FAM222B: variants seen among roughly 807,000 people sequenced by gnomAD.
FAM222B encodes protein FAM222B.
A neutral mutation model predicts 38.0 loss-of-function variants in FAM222B; 12 were observed. The ratio of observed to expected loss-of-function variants is 0.32; its 90% confidence interval spans 0.20 to 0.51. The LOEUF is 0.51. Ranked by LOEUF, FAM222B falls within the 20% of genes least tolerant of loss-of-function variation. FAM222B has a pLI of 0.97. For missense variants in FAM222B, 716 were observed against 754.2 expected (o/e 0.95, Z 0.59); for synonymous variants, 329 against 317.2 (o/e 1.04, Z -0.40).
intron 1 of FAM222B, among the ~76,000 whole-genome samples, chr17:28,854,785 C>T (rs775151639): frequency 6.6e-6 from 1 of 152,054 alleles, no homozygotes; most frequent in Non-Finnish European, 1.5e-5. Context: ...AAAACTTTGG[C>T]AGAAGAAAAA....
intron 1 of FAM222B, among the ~76,000 whole-genome samples, chr17:28,851,968 C>T (rs1407501294): frequency 6.6e-6 from 1 of 151,864 alleles, no homozygotes; most frequent in East Asian, 1.9e-4. Flanking sequence ...GGGGGAATCA[C>T]CTGAGCCCAG....
intron 1 of FAM222B, among the ~76,000 whole-genome samples, chr17:28,798,466 A>G (rs542781636): frequency 2.9e-4 from 44 of 152,306 alleles, no homozygotes; most frequent in Non-Finnish European, 5.1e-4. Flanking sequence ...TAAACAGCAT[A>G]GTCAGAGCAA....
intron 1 of FAM222B, among the ~76,000 whole-genome samples, chr17:28,790,899 T>C (rs1272487366): frequency 1.7e-5 from 2 of 118,988 alleles, no homozygotes; most frequent in African/African-American, 6.3e-5. Context: ...TTTTTTTTTT[T>C]TTTTTTTTTT....
chr17:28,775,295 A>C (rs1215696739), intron 1 of FAM222B, among the ~76,000 whole-genome samples: 3 of 151,836 alleles, frequency 2.0e-5, no homozygotes, highest in African/African-American at 7.3e-5. Context: ...ATGTTTTTTG[A>C]TGGGAAAAGG....
At chr17:28,786,689 T>C (rs145302354) in intron 1 of FAM222B, among the ~76,000 whole-genome samples, 6 of 152,224 alleles carry the variant, frequency 3.9e-5, no homozygotes, top group African/African-American at 1.4e-4. Context: ...CTATATTATT[T>C]TGAATTTTCT....
chr17:28,789,473 G>A lies in FAM222B; in HGVS notation c.-40-22766C>T, dbSNP rs150350547. Among the ~76,000 whole-genome samples, 330 of 152,264 alleles carry A rather than the reference G, an allele frequency of 2.2e-3. 2 individuals are homozygous for A. The highest frequency in any genetic ancestry group is 2.0e-3 in the African/African-American group (84 of 41,556). ...CCCCCAAATTCCTGGGGTTACAGGC[G>A]TGAGCCACTGTGCCTGGCCCACTGT... is the stretch of plus-strand genomic sequence containing the variant. On this transcript the variant is annotated intron_variant, in intron 1 of 2. Coordinates refer to ENST00000581407, the MANE Select transcript of FAM222B (RefSeq NM_001077498.3).
chr17:28,812,989 G>T (rs2037856414), intron 1 of FAM222B, among the ~76,000 whole-genome samples: 1 of 115,488 alleles, frequency 8.7e-6, no homozygotes, highest in Non-Finnish European at 1.7e-5. Flanking sequence ...CTCCCTGTCG[G>T]AAACTCGTGC....
chr17:28,796,770 T>C (rs1022263734), intron 1 of FAM222B, among the ~76,000 whole-genome samples: 2 of 151,816 alleles, frequency 1.3e-5, no homozygotes, highest in Non-Finnish European at 2.9e-5. Context: ...TTCAGAATAA[T>C]TGTGAGGATT....
chr17:28,824,352 T>C (rs2038364744), intron 1 of FAM222B, among the ~76,000 whole-genome samples: 1 of 143,012 alleles, frequency 7.0e-6, no homozygotes, highest in Non-Finnish European at 1.5e-5. Flanking sequence ...ACCTGGCTAA[T>C]TTTCTTATTT....
chr17:28,828,952 G>T (rs540274298), intron 1 of FAM222B, among the ~76,000 whole-genome samples: 11 of 151,744 alleles, frequency 7.2e-5, no homozygotes, highest in African/African-American at 2.7e-4. Context: ...TCACCGGGCT[G>T]AAGTGCAGTA....
chr17:28,791,066 C>A (rs2036662479), intron 1 of FAM222B, among the ~76,000 whole-genome samples: 1 of 151,208 alleles, frequency 6.6e-6, no homozygotes, highest in Non-Finnish European at 1.5e-5. Flanking sequence ...CGCCACCACG[C>A]CCAGCTAATT....
chr17:28,792,768 G>A (rs1248804050), intron 1 of FAM222B, among the ~76,000 whole-genome samples: 4 of 144,202 alleles, frequency 2.8e-5, no homozygotes, highest in Non-Finnish European at 4.5e-5. Flanking sequence ...GTGACAGAGC[G>A]AGGCCCTATT....
upstream of FAM222B, among the ~76,000 whole-genome samples, chr17:28,843,136 G>GT (rs1567912491): frequency 7.2e-5 from 10 of 139,278 alleles, no homozygotes; most frequent in Admixed American, 2.2e-4. Flanking sequence ...ATAAATTTGG[G>GT]TCTTTTTTTT....
At chr17:28,773,636 G>A (rs1236264783) in intron 1 of FAM222B, among the ~76,000 whole-genome samples, 2 of 145,438 alleles carry the variant, frequency 1.4e-5, no homozygotes, top group Non-Finnish European at 3.0e-5. Flanking sequence ...CCATCTCTAC[G>A]AAAAATACAA....
intron 1 of FAM222B, among the ~76,000 whole-genome samples, chr17:28,776,756 C>T (rs1291099884): frequency 6.6e-6 from 1 of 152,002 alleles, no homozygotes; most frequent in African/African-American, 2.4e-5. Context: ...CGGTGCCAGC[C>T]AAAAGACTCC....
At chr17:28,833,009 TAAA>T (rs779596504) in intron 1 of FAM222B, among the ~76,000 whole-genome samples, 38 of 90,770 alleles carry the variant, frequency 4.2e-4, no homozygotes, top group Admixed American at 7.7e-4. Context: ...CTGTCTCTAT[TAAA>T]AAAAAAAAAA....
chr17:28,770,928 A>C (rs2035597851), intron 1 of FAM222B, among the ~76,000 whole-genome samples: 1 of 151,776 alleles, frequency 6.6e-6, no homozygotes, highest in Admixed American at 6.6e-5. Flanking sequence ...AATGTCTATG[A>C]TTAAGAGGCA....
intron 2 of FAM222B, chr17:28,761,871 T>C (rs1410304977): frequency 6.6e-6 from 1 of 152,180 alleles, no homozygotes; most frequent in African/African-American, 2.4e-5. Context: ...ACTGTACCTA[T>C]GTGTCTTATT....
intron 1 of FAM222B, among the ~76,000 whole-genome samples, chr17:28,828,043 G>A (rs1247970241): frequency 1.3e-5 from 2 of 150,098 alleles, no homozygotes; most frequent in Non-Finnish European, 3.0e-5. Context: ...TCAGACCTGG[G>A]ACCAACCAGA....
Sources: allele counts gnomAD v4.1 joint callset (sites outside exome capture counted in the v4.1 genomes callset), GRCh38; gene constraint gnomAD v4.1.1; transcripts MANE v1.5; gene names NCBI Gene and HGNC (gene_info 2026-07-23, HGNC 2026-07-21).